DIAPH2: variants seen among roughly 807,000 people sequenced by gnomAD.
DIAPH2 encodes diaphanous related formin 2.
DIAPH2 carries 35 observed loss-of-function variants against 92.7 expected under a neutral mutation model. That is an observed-to-expected ratio of 0.38 (90% CI 0.29 to 0.50). DIAPH2 has a LOEUF of 0.50. Among genes scored for constraint, DIAPH2 ranks in the 20% least tolerant of loss-of-function variants. The pLI, the probability that DIAPH2 is intolerant of heterozygous loss-of-function variation, is 0.94. For synonymous variants in DIAPH2, 301 were observed against 280.4 expected (o/e 1.07, Z -0.73); for missense variants, 701 against 819.5 (o/e 0.86, Z 1.77).
intron 22 of DIAPH2, among the ~76,000 whole-genome samples, chrX:97,151,692 C>T (rs1474640148): frequency 6.3e-5 from 7 of 111,365 alleles, no homozygotes; most frequent in African/African-American, 9.8e-5. Context: ...AATAACCTGT[C>T]GCTGCTGTCA....
intron 17 of DIAPH2, among the ~76,000 whole-genome samples, chrX:97,033,718 C>A (rs2066392072): frequency 8.9e-6 from 1 of 111,757 alleles, no homozygotes; most frequent in East Asian, 2.8e-4. Context: ...TCAGTAATTT[C>A]TTTTTAAAGA....
At chrX:96,755,848 T>G (rs1360335194) in intron 3 of DIAPH2, among the ~76,000 whole-genome samples, 1 of 110,028 alleles carries the variant, frequency 9.1e-6, no homozygotes, top group Non-Finnish European at 1.9e-5. Context: ...CTCTTTTTTT[T>G]GCTTTTTCTT....
chrX:96,805,690 C>A (rs1022011589), intron 4 of DIAPH2, among the ~76,000 whole-genome samples: 4 of 110,863 alleles, frequency 3.6e-5, no homozygotes, highest in Non-Finnish European at 7.6e-5. Context: ...TGTTTCTATA[C>A]CTTATGAAAT....
intron 5 of DIAPH2, among the ~76,000 whole-genome samples, chrX:96,893,582 C>T (rs1235696896): frequency 1.8e-5 from 2 of 111,756 alleles, no homozygotes; most frequent in Non-Finnish European, 3.8e-5. Context: ...CTATGAATGT[C>T]CATTTCCTGC....
intron 23 of DIAPH2, among the ~76,000 whole-genome samples, chrX:97,321,173 C>G (rs747860498): frequency 7.2e-5 from 8 of 111,307 alleles, no homozygotes; most frequent in African/African-American, 2.6e-4. Context: ...CTTAGGGTTA[C>G]TTTTGGAGTA....
intron 26 of DIAPH2, among the ~76,000 whole-genome samples, chrX:97,483,367 T>C (rs1408773735): frequency 9.3e-6 from 1 of 107,345 alleles, no homozygotes; most frequent in Non-Finnish European, 1.9e-5. Context: ...ATGAATAAGT[T>C]AGGAAACTAA....
chrX:96,837,870 A>T (rs2064909786), intron 4 of DIAPH2, among the ~76,000 whole-genome samples: 1 of 111,554 alleles, frequency 9.0e-6, no homozygotes, highest in South Asian at 3.8e-4. Context: ...TCATCTGTTG[A>T]TCCCCTACTT....
intron 19 of DIAPH2, among the ~76,000 whole-genome samples, chrX:97,098,419 G>A (rs5921329): frequency 0.099 from 11,029 of 111,337 alleles, 747 homozygotes; most frequent in African/African-American, 0.24. Context: ...AAATTTGCCT[G>A]TTGTTGATAC....
intron 4 of DIAPH2, among the ~76,000 whole-genome samples, chrX:96,880,308 A>C (rs2147744687): frequency 9.0e-6 from 1 of 111,664 alleles, no homozygotes; most frequent in South Asian, 3.8e-4. Flanking sequence ...TAATTATAAT[A>C]TTGCCACAGC....
At chrX:97,561,004 G>A (rs1424330991) in intron 26 of DIAPH2, among the ~76,000 whole-genome samples, 1 of 112,177 alleles carries the variant, frequency 8.9e-6, no homozygotes, top group Non-Finnish European at 1.9e-5. Context: ...ATTCCCTAGA[G>A]TTATCTGAAG....
intron 17 of DIAPH2, among the ~76,000 whole-genome samples, chrX:96,993,349 C>T (rs1214491227): frequency 8.9e-6 from 1 of 112,217 alleles, no homozygotes; most frequent in Non-Finnish European, 1.9e-5. Flanking sequence ...TTCGTTCTCA[C>T]ACTGCTATAA....
chrX:96,867,804 A>G (rs1019178748), intron 4 of DIAPH2, among the ~76,000 whole-genome samples: 1 of 111,413 alleles, frequency 9.0e-6, no homozygotes, highest in African/African-American at 3.3e-5. Flanking sequence ...TCTTTTAAAT[A>G]TTAACCAGAG....
rs751320851 is a variant in DIAPH2 at position 97,080,144 on chromosome X, TTTCC to T, written c.2247+4894_2247+4897del. On this transcript the variant is annotated intron_variant, in intron 19 of 26. Coordinates refer to ENST00000324765, the MANE Select transcript of DIAPH2 (RefSeq NM_006729.5). ...TTGTTTGTTTGTTTTGTTTTTGACA[TTTCC>T]TTCCTTCCTTTCTTCCTTCTCTCCC... is the stretch of plus-strand genomic sequence containing the variant. Among the ~76,000 whole-genome samples, 446 of 108,872 alleles carry T rather than the reference TTTCC, an allele frequency of 4.1e-3. 3 individuals are homozygous for T. The highest frequency in any genetic ancestry group is 4.4e-3 in the Non-Finnish European group (228 of 52,332). 94.5% of individuals were successfully genotyped at this position (108,872 alleles called of 115,157 possible).
intron 5 of DIAPH2, chrX:96,884,097 C>A (rs2065239433): frequency 2.5e-6 from 1 of 399,250 alleles, no homozygotes; most frequent in African/African-American, 2.5e-5. Context: ...CCGACCCTGA[C>A]TGGCTGGAAG....
At chrX:97,488,051 T>C (rs1481014485) in intron 26 of DIAPH2, among the ~76,000 whole-genome samples, 1 of 112,499 alleles carries the variant, frequency 8.9e-6, no homozygotes, top group Non-Finnish European at 1.9e-5. Flanking sequence ...TGGAGTGCAA[T>C]GGCACAATCT....
intron 23 of DIAPH2, among the ~76,000 whole-genome samples, chrX:97,263,900 T>TTTTA (rs10644882): frequency 0.18 from 16,775 of 93,889 alleles, 1,492 homozygotes; most frequent in African/African-American, 0.24. Flanking sequence ...ACTGTTAGTT[T>TTTTA]TTTATTTATT....
chrX:97,583,915 G>A (rs1468350288), intron 26 of DIAPH2, among the ~76,000 whole-genome samples: 2 of 112,362 alleles, frequency 1.8e-5, no homozygotes, highest in South Asian at 3.7e-4. Flanking sequence ...CGCAGTATTC[G>A]GGTGGGAGTG....
At chrX:97,279,551 G>A (rs2068480127) in intron 23 of DIAPH2, among the ~76,000 whole-genome samples, 1 of 110,443 alleles carries the variant, frequency 9.1e-6, no homozygotes, top group Non-Finnish European at 1.9e-5. Context: ...TGATCCACCA[G>A]CCTTGACCTC....
chrX:97,210,563 T>C lies in DIAPH2; in HGVS notation c.2720-37152T>C, dbSNP rs1278662026. On this transcript the variant is annotated intron_variant, in intron 22 of 26. Coordinates refer to ENST00000324765, the MANE Select transcript of DIAPH2 (RefSeq NM_006729.5). ...CTGTTTCACAAACACTGTGTGTTTTTATGTGGTTATAACAATGATGAGACA... is the reference window on the plus strand; with the variant it reads ...CTGTTTCACAAACACTGTGTGTTTTCATGTGGTTATAACAATGATGAGACA... 9.8e-5 allele frequency among the ~76,000 whole-genome samples: 11 copies of C among 112,141 alleles called. No homozygotes were observed. The Admixed American group carries it at 1.0e-3, about 11-fold the overall frequency.
Sources: gnomAD v4.1 joint callset for allele counts (sites outside exome capture counted in the v4.1 genomes callset) on GRCh38, gnomAD v4.1.1 for gene constraint, MANE v1.5 for transcripts, NCBI Gene and HGNC (gene_info 2026-07-23, HGNC 2026-07-21) for gene names.